KCNIP4: variants seen among roughly 807,000 people sequenced by gnomAD.
KCNIP4 encodes Kv channel-interacting protein 4.
In KCNIP4, 12 loss-of-function variants were observed where a neutral mutation model predicts 34.0. The observed-to-expected ratio is 0.35, with a 90% CI of 0.23 to 0.57. The LOEUF is 0.57. Ranked by LOEUF, KCNIP4 falls within the 20% of genes least tolerant of loss-of-function variation. The pLI, the probability that KCNIP4 is intolerant of heterozygous loss-of-function variation, is 0.83. For synonymous variants in KCNIP4, 124 were observed against 102.2 expected, an observed-to-expected ratio of 1.21 and a Z score of -1.29; for missense variants, 238 against 311.7, an observed-to-expected ratio of 0.76 and a Z score of 1.78.
At chr4:21,117,660 G>A (rs969898963) in intron 1 of KCNIP4, among the ~76,000 whole-genome samples, 1 of 152,072 alleles carries the variant, frequency 6.6e-6, no homozygotes, top group Non-Finnish European at 1.5e-5. Context: ...CGTGGACAGG[G>A]GCCGTGTTGG....
At chr4:21,681,442 C>G (rs1264170288) in intron 1 of KCNIP4, among the ~76,000 whole-genome samples, 2 of 152,126 alleles carry the variant, frequency 1.3e-5, no homozygotes, top group Non-Finnish European at 2.9e-5. Context: ...ATTTGGTTTT[C>G]AGAGGAACAA....
At chr4:20,743,589 C>G (rs2149314207) in intron 5 of KCNIP4, among the ~76,000 whole-genome samples, 1 of 152,260 alleles carries the variant, frequency 6.6e-6, no homozygotes, top group African/African-American at 2.4e-5. Flanking sequence ...GAAACTGGAT[C>G]CCTTCCTTAC....
At chr4:21,030,751 G>T (rs1740954379) in intron 1 of KCNIP4, among the ~76,000 whole-genome samples, 1 of 152,106 alleles carries the variant, frequency 6.6e-6, no homozygotes, top group Non-Finnish European at 1.5e-5. Flanking sequence ...AATCTCAGAA[G>T]CTCAATGAAG....
intron 1 of KCNIP4, among the ~76,000 whole-genome samples, chr4:21,626,265 G>A (rs1046832619): frequency 1.3e-4 from 20 of 152,054 alleles, no homozygotes; most frequent in Admixed American, 1.3e-3. Flanking sequence ...AATCCTCAAT[G>A]TGATGGTACG....
chr4:20,799,462 AATCACAGGAGCTGTGCCACTACC>A (rs1228946063), intron 3 of KCNIP4, among the ~76,000 whole-genome samples: 7 of 152,170 alleles, frequency 4.6e-5, no homozygotes, highest in African/African-American at 1.7e-4. Context: ...AGTCCCAGGA[AATCACAGGAGCTGTGCCACTACC>A]ATCTCCAGGA....
At chr4:21,115,582 A>C (rs1056589848) in intron 1 of KCNIP4, among the ~76,000 whole-genome samples, 2 of 152,166 alleles carry the variant, frequency 1.3e-5, no homozygotes, top group African/African-American at 4.8e-5. Context: ...TAGACAATTC[A>C]GCTTTAGTAG....
At chr4:21,629,156 G>T (rs1276543452) in intron 1 of KCNIP4, among the ~76,000 whole-genome samples, 1 of 152,136 alleles carries the variant, frequency 6.6e-6, no homozygotes, top group Admixed American at 6.5e-5. Flanking sequence ...CAATGCAAAA[G>T]AAAAGGTTTG....
rs148551445 is a variant in KCNIP4 at position 21,805,363 on chromosome 4, G to A, written c.61+143208C>T. ...GGTGAGAGATAGTTGAATCATGGGG[G>A]CTGTTTCCCCCAGACTGCTCTGGTG... On this transcript the variant is annotated intron_variant, in intron 1 of 8. Transcript: ENST00000382152. Among the ~76,000 whole-genome samples, 237 of 152,124 alleles carry A rather than the reference G, an allele frequency of 1.6e-3. 1 individual carries two copies. The highest frequency in any genetic ancestry group is 5.4e-3 in the African/African-American group (223 of 41,496).
chr4:21,527,206 T>C (rs1411028747), intron 1 of KCNIP4, among the ~76,000 whole-genome samples: 1 of 152,200 alleles, frequency 6.6e-6, no homozygotes, highest in Non-Finnish European at 1.5e-5. Flanking sequence ...ATATGATTTG[T>C]TGGGTTGTTG....
chr4:20,977,573 G>GT (rs5856590), intron 1 of KCNIP4, among the ~76,000 whole-genome samples: 20,429 of 152,002 alleles, frequency 0.13, 1,398 homozygotes, highest in African/African-American at 0.14. Flanking sequence ...AGTTACCAAA[G>GT]TAAGTAAAAA....
At chr4:21,195,655 A>G (rs1035380655) in intron 1 of KCNIP4, among the ~76,000 whole-genome samples, 1 of 152,250 alleles carries the variant, frequency 6.6e-6, no homozygotes, top group African/African-American at 2.4e-5. Flanking sequence ...AAAGGAACCA[A>G]TAACAAAGTT....
At chr4:20,862,707 T>C (rs1158042449) in intron 2 of KCNIP4, among the ~76,000 whole-genome samples, 2 of 152,100 alleles carry the variant, frequency 1.3e-5, no homozygotes, top group African/African-American at 4.8e-5. Context: ...AGCAAAGGCA[T>C]GGAATCAACC....
intron 1 of KCNIP4, among the ~76,000 whole-genome samples, chr4:21,029,231 C>T (rs1187305447): frequency 1.3e-5 from 2 of 152,148 alleles, no homozygotes; most frequent in Non-Finnish European, 2.9e-5. Context: ...AGTATAGAGA[C>T]ACTAAGAAAT....
chr4:21,510,840 A>G (rs986625052), intron 1 of KCNIP4, among the ~76,000 whole-genome samples: 12 of 151,650 alleles, frequency 7.9e-5, no homozygotes, highest in East Asian at 5.9e-4. Context: ...AACATGATGA[A>G]ACCCCATCTC....
chr4:21,568,371 C>T (rs1740084173), intron 1 of KCNIP4, among the ~76,000 whole-genome samples: 1 of 152,086 alleles, frequency 6.6e-6, no homozygotes, highest in Non-Finnish European at 1.5e-5. Context: ...AGGGACAAGG[C>T]TGTGTGAACC....
chr4:21,550,399 C>T (rs1453399537), intron 1 of KCNIP4, among the ~76,000 whole-genome samples: 1 of 152,062 alleles, frequency 6.6e-6, no homozygotes, highest in Non-Finnish European at 1.5e-5. Context: ...TCACCGAAGT[C>T]CCCATGGTCA....
At chr4:21,136,376 A>C (rs1751501613) in intron 1 of KCNIP4, among the ~76,000 whole-genome samples, 1 of 152,196 alleles carries the variant, frequency 6.6e-6, no homozygotes, top group Admixed American at 6.5e-5. Flanking sequence ...GCAGAAAAGT[A>C]CACACGCACA....
chr4:21,727,887 A>G (rs1715311794), intron 1 of KCNIP4, among the ~76,000 whole-genome samples: 1 of 152,168 alleles, frequency 6.6e-6, no homozygotes. Flanking sequence ...TTTGTTCAGA[A>G]TATTTTTCAG....
At chr4:21,212,948 G>A (rs1375485179) in intron 1 of KCNIP4, among the ~76,000 whole-genome samples, 1 of 152,102 alleles carries the variant, frequency 6.6e-6, no homozygotes, top group Non-Finnish European at 1.5e-5. Context: ...CAGTATACAT[G>A]GGGTATTAAA....
Sources: allele counts gnomAD v4.1 joint callset (sites outside exome capture counted in the v4.1 genomes callset), GRCh38; gene constraint gnomAD v4.1.1; transcripts MANE v1.5; gene names NCBI Gene and HGNC (gene_info 2026-07-23, HGNC 2026-07-21).